The following PCDH15 variants were observed in gnomAD, a reference collection of about 807,000 sequenced individuals.
PCDH15 encodes protocadherin-15.
A neutral mutation model predicts 178.5 loss-of-function variants in PCDH15; 129 were observed. The observed-to-expected ratio is 0.72, with a 90% CI of 0.63 to 0.84. PCDH15 has a LOEUF of 0.84. Among genes scored for constraint, PCDH15 ranks in the 40% least tolerant of loss-of-function variants. The pLI, the probability that PCDH15 is intolerant of heterozygous loss-of-function variation, is 0.00. For missense variants in PCDH15, 2,230 were observed against 2,099.9 expected, an observed-to-expected ratio of 1.06 and a Z score of -1.21; for synonymous variants, 800 against 732.0, an observed-to-expected ratio of 1.09 and a Z score of -1.50.
intron 2 of PCDH15, among the ~76,000 whole-genome samples, chr10:54,555,852 G>A (rs749221990): frequency 4.6e-5 from 7 of 151,566 alleles, no homozygotes; most frequent in African/African-American, 9.7e-5. Context: ...GCCTGGTATC[G>A]ACATCAAACT....
At chr10:53,837,622 C>G (rs1234489861) in intron 29 of PCDH15, among the ~76,000 whole-genome samples, 1 of 152,042 alleles carries the variant, frequency 6.6e-6, no homozygotes, top group East Asian at 1.9e-4. Flanking sequence ...AAGAACACTT[C>G]CATTGACCTG....
chr10:54,409,424 A>G (rs1935469), intron 3 of PCDH15, among the ~76,000 whole-genome samples: 120,504 of 151,922 alleles, frequency 0.79, 48,559 homozygotes, highest in East Asian at 0.97. Context: ...TTTGTAACTA[A>G]TATCCCTAAC....
At chr10:54,653,385 C>T (rs977785162) in intron 2 of PCDH15, among the ~76,000 whole-genome samples, 1 of 152,136 alleles carries the variant, frequency 6.6e-6, no homozygotes, top group African/African-American at 2.4e-5. Flanking sequence ...ACTATAGCCA[C>T]AGAGCTACAG....
At chr10:54,426,535 G>A (rs375548749) in intron 3 of PCDH15, among the ~76,000 whole-genome samples, 54 of 152,258 alleles carry the variant, frequency 3.5e-4, no homozygotes, top group African/African-American at 1.1e-3. Context: ...GCCACGGAAC[G>A]GTACCAGTTT....
At position 55,517,888 on chromosome 10, in the gene PCDH15, A is replaced by G. The variant is rs138664623; in HGVS notation, c.-156+109737T>C. On this transcript the variant is annotated intron_variant, in intron 2 of 5. Transcript: ENST00000613346. ...CCAGGCTCCTTTGAGTTCTCTTTCAACTAGACCTAAACCTTGGCCTATGAA... is the reference window on the plus strand; with the variant it reads ...CCAGGCTCCTTTGAGTTCTCTTTCAGCTAGACCTAAACCTTGGCCTATGAA... Among the ~76,000 whole-genome samples the G allele has an allele frequency of 2.9e-3, 441 of 151,896 alleles. 1 individual carries two copies. Among genetic ancestry groups the G allele is most frequent in the African/African-American group, 0.01 (426 of 41,242 alleles).
intron 2 of PCDH15, chr10:55,599,711 C>G (rs1843027374): frequency 5.1e-6 from 2 of 390,580 alleles, no homozygotes; most frequent in South Asian, 1.4e-4. Context: ...CAGTCATGCT[C>G]TAAGGAAAGA....
chr10:54,117,465 C>A (rs4272708), intron 15 of PCDH15, among the ~76,000 whole-genome samples: 1 of 151,906 alleles, frequency 6.6e-6, no homozygotes, highest in Non-Finnish European at 1.5e-5. Flanking sequence ...TCTCTCCTTC[C>A]TGTTGTCTGC....
intron 3 of PCDH15, among the ~76,000 whole-genome samples, chr10:54,816,902 A>T (rs1952958087): frequency 1.3e-5 from 2 of 152,032 alleles, no homozygotes; most frequent in Admixed American, 6.6e-5. Flanking sequence ...CTCTTACTTC[A>T]TGAACTTCAG....
At chr10:54,992,101 A>AT (rs896145723) in intron 2 of PCDH15, among the ~76,000 whole-genome samples, 1 of 152,086 alleles carries the variant, frequency 6.6e-6, no homozygotes, top group African/African-American at 2.4e-5. Flanking sequence ...AAAATAAAGA[A>AT]TTTTTTAAAA....
chr10:55,462,216 T>C (rs11004872), intron 2 of PCDH15, among the ~76,000 whole-genome samples: 61,887 of 151,946 alleles, frequency 0.41, 13,278 homozygotes, highest in East Asian at 0.81. Flanking sequence ...ATGACATATA[T>C]GTTCATGTCG....
intron 3 of PCDH15, among the ~76,000 whole-genome samples, chr10:54,431,524 ATGT>A (rs1404044185): frequency 2.0e-5 from 3 of 152,326 alleles, no homozygotes; most frequent in African/African-American, 7.2e-5. Flanking sequence ...AATTCCATTG[ATGT>A]TGTAAAAGTA....
At position 54,664,245 on chromosome 10, in the gene PCDH15, A is replaced by G. The variant is rs2094535386; in HGVS notation, c.18T>C (p.Tyr6=). 3 of 1,611,672 alleles carry G rather than the reference A, an allele frequency of 1.9e-6. No individual in the cohort carries two copies. Among genetic ancestry groups the G allele is most frequent in the South Asian group, 2.2e-5 (2 of 90,934 alleles). The change falls in exon 2 of 38, where the codon TAT becomes TAC. Residue 6 remains tyrosine, a synonymous_variant. Coordinates refer to ENST00000644397, the MANE Select transcript of PCDH15 (RefSeq NM_001384140.1). ...TCCCTGAAGCTAAACATGTCCAGAG[A>G]TAAAACTGTCGAAACATCTTCTGTC... MFRQF[Y]LWTCLASGII...
chr10:54,779,464 G>GTGTA (rs1555192783), intron 1 of PCDH15, among the ~76,000 whole-genome samples: 3 of 94,646 alleles, frequency 3.2e-5, no homozygotes, highest in Non-Finnish European at 6.3e-5. Context: ...ATATATGTGT[G>GTGTA]TATATATATA....
intron 2 of PCDH15, among the ~76,000 whole-genome samples, chr10:55,156,409 C>A (rs1317108939): frequency 6.6e-6 from 1 of 152,084 alleles, no homozygotes; most frequent in Non-Finnish European, 1.5e-5. Flanking sequence ...CCTAAGGCGG[C>A]CTTCTTCTAG....
chr10:55,096,052 C>G (rs1440523054), intron 2 of PCDH15, among the ~76,000 whole-genome samples: 1 of 151,994 alleles, frequency 6.6e-6, no homozygotes, highest in African/African-American at 2.4e-5. Context: ...GCAATCTCCC[C>G]AGTTCTAAAG....
intron 2 of PCDH15, among the ~76,000 whole-genome samples, chr10:55,620,718 A>T (rs1367144405): frequency 2.6e-5 from 4 of 151,742 alleles, no homozygotes; most frequent in Non-Finnish European, 5.9e-5. Flanking sequence ...GTTTTCAAGT[A>T]TATTGCAAAG....
chr10:54,628,906 G>GTACA (rs543696487), intron 2 of PCDH15, among the ~76,000 whole-genome samples: 79 of 151,916 alleles, frequency 5.2e-4, no homozygotes, highest in Non-Finnish European at 7.9e-4. Flanking sequence ...CCTATATTTG[G>GTACA]TACACCAAAA....
In PCDH15 at chr10:54,584,055, T is replaced by C. The variant is rs1015748426; in HGVS notation, c.92-56178A>G. Reference sequence around the variant, plus strand: ...GAATGGAAAGAAAGGTGTTTACTTTTAACGGCAGAACATATCAATCACCTC... The same window carrying C: ...GAATGGAAAGAAAGGTGTTTACTTTCAACGGCAGAACATATCAATCACCTC... On this transcript the variant is annotated intron_variant, in intron 2 of 37. Transcript: ENST00000644397. Among the ~76,000 whole-genome samples, 10 of 152,244 alleles carry C rather than the reference T, an allele frequency of 6.6e-5. No homozygotes were observed. In the East Asian group the frequency reaches 1.9e-3, roughly 29 times the overall value.
chr10:54,702,714 C>G (rs1014259418), intron 1 of PCDH15, among the ~76,000 whole-genome samples: 1 of 151,754 alleles, frequency 6.6e-6, no homozygotes, highest in Admixed American at 6.6e-5. Flanking sequence ...ATAAGTAATA[C>G]AACGCCTACC....
Sources: allele counts gnomAD v4.1 joint callset (sites outside exome capture counted in the v4.1 genomes callset), GRCh38; gene constraint gnomAD v4.1.1; transcripts MANE v1.5; gene names NCBI Gene and HGNC (gene_info 2026-07-23, HGNC 2026-07-21).